MACROD2: variants seen among roughly 807,000 people sequenced by gnomAD.
MACROD2 encodes the protein mono-ADP ribosylhydrolase 2.
A neutral mutation model predicts 70.4 loss-of-function variants in MACROD2; 36 were observed. The ratio of observed to expected loss-of-function variants is 0.51; its 90% CI spans 0.39 to 0.68. The LOEUF (loss-of-function observed/expected upper bound fraction) is 0.68. Among genes scored for constraint, MACROD2 ranks in the 30% least tolerant of loss-of-function variants. The probability of loss-of-function intolerance (pLI) is 0.00; values close to 1 mark genes in which losing one functional copy is unlikely to be tolerated. For missense variants in MACROD2, 496 were observed against 538.4 expected, an observed-to-expected ratio of 0.92 and a Z score of 0.78; for synonymous variants, 172 against 178.8, an observed-to-expected ratio of 0.96 and a Z score of 0.30.
chr20:14,423,853 C>G (rs914313892), intron 3 of MACROD2, among the ~76,000 whole-genome samples: 1 of 147,346 alleles, frequency 6.8e-6, no homozygotes, highest in South Asian at 2.2e-4. Context: ...ACCTTCGCCT[C>G]CTGGGTTCAA....
intron 5 of MACROD2, among the ~76,000 whole-genome samples, chr20:14,836,057 G>A (rs1401094263): frequency 6.6e-6 from 1 of 151,778 alleles, no homozygotes; most frequent in East Asian, 1.9e-4. Flanking sequence ...CCCCCAAAGA[G>A]TAGATTATTT....
At chr20:14,759,522 G>C (rs7261331) in intron 5 of MACROD2, among the ~76,000 whole-genome samples, 1 of 151,928 alleles carries the variant, frequency 6.6e-6, no homozygotes, top group African/African-American at 2.4e-5. Context: ...AGAATGCAGA[G>C]TTCATTTTCA....
chr20:15,309,001 C>T (rs140553665), intron 6 of MACROD2, among the ~76,000 whole-genome samples: 7 of 152,238 alleles, frequency 4.6e-5, no homozygotes, highest in African/African-American at 1.4e-4. Flanking sequence ...TTGGGTCTGT[C>T]GCTTCTCTGT....
At chr20:15,865,499 A>G (rs1601016750) in intron 9 of MACROD2, among the ~76,000 whole-genome samples, 1 of 152,296 alleles carries the variant, frequency 6.6e-6, no homozygotes, top group East Asian at 1.9e-4. Context: ...GATAACTCTA[A>G]GAAAGGAGGC....
At chr20:14,841,087 ACT>A (rs2073082423) in intron 5 of MACROD2, among the ~76,000 whole-genome samples, 1 of 152,142 alleles carries the variant, frequency 6.6e-6, no homozygotes, top group South Asian at 2.1e-4. Flanking sequence ...TATTGCTTAC[ACT>A]CTAAATATTT....
At chr20:15,743,434 T>A (rs1313148609) in intron 8 of MACROD2, among the ~76,000 whole-genome samples, 1 of 152,196 alleles carries the variant, frequency 6.6e-6, no homozygotes. Context: ...AAAAGGGTAC[T>A]GGAATGCAAA....
chr20:14,691,009 C>T (rs2071056878), intron 5 of MACROD2, among the ~76,000 whole-genome samples: 1 of 152,198 alleles, frequency 6.6e-6, no homozygotes. Flanking sequence ...CCTCCGCCTC[C>T]TGGGCTCAAG....
At chr20:14,648,621 C>CAT (rs753035871) in intron 4 of MACROD2, among the ~76,000 whole-genome samples, 1,641 of 148,744 alleles carry the variant, frequency 0.011, 9 homozygotes, top group South Asian at 0.024. Context: ...TTTATTTAAA[C>CAT]ATATATATAT....
At chr20:14,140,100 A>G (rs2054850365) in intron 3 of MACROD2, among the ~76,000 whole-genome samples, 2 of 152,214 alleles carry the variant, frequency 1.3e-5, no homozygotes, top group Admixed American at 1.3e-4. Context: ...GATAAGGGAT[A>G]CTCAACCTGT....
rs1783376113 is a variant in MACROD2 at position 14,031,713 on chromosome 20, A to T, written c.163+29309A>T. ...TATAAAGCATTAAAAAGATATGAAA[A>T]CATACAGTTAAAAAATGATAGCTTC... On this transcript the variant is annotated intron_variant, in intron 2 of 17. Coordinates refer to ENST00000684519, the MANE Select transcript of MACROD2 (RefSeq NM_001351661.2). Among the ~76,000 whole-genome samples, 2 of 152,126 alleles carry T rather than the reference A, an allele frequency of 1.3e-5. 1 individual carries two copies. The highest frequency in any genetic ancestry group is 1.3e-4 in the Admixed American group (2 of 15,276).
intron 8 of MACROD2, among the ~76,000 whole-genome samples, chr20:15,703,800 G>A (rs1435679467): frequency 2.6e-5 from 4 of 152,282 alleles, no homozygotes; most frequent in Admixed American, 2.6e-4. Flanking sequence ...ATTGGTGCTG[G>A]TATTGCTTTG....
chr20:15,334,131 T>C (rs979327298), intron 6 of MACROD2, among the ~76,000 whole-genome samples: 1 of 151,622 alleles, frequency 6.6e-6, no homozygotes, highest in African/African-American at 2.4e-5. Flanking sequence ...ACTGAAGGCT[T>C]CTTTGCCTCC....
At chr20:14,491,857 A>T (rs1026586354) in intron 3 of MACROD2, among the ~76,000 whole-genome samples, 1 of 152,216 alleles carries the variant, frequency 6.6e-6, no homozygotes, top group Non-Finnish European at 1.5e-5. Context: ...AGTCCCAGGG[A>T]ACTGGAAAAC....
rs62203469 is a variant in MACROD2 at position 15,330,075 on chromosome 20, C to T, written c.540+100014C>T. 5.3e-4 allele frequency among the ~76,000 whole-genome samples: 80 copies of T among 152,144 alleles called. 1 individual carries two copies. Among genetic ancestry groups the T allele is most frequent in the Non-Finnish European group, 8.5e-4 (58 of 67,994 alleles). ...CCTCCTTTGTCCAGTCATACTTCTC[C>T]GGGACTGTCCACTCTTCAAACCTAA... On this transcript the variant is annotated intron_variant, in intron 6 of 17. Coordinates refer to ENST00000684519, the MANE Select transcript of MACROD2 (RefSeq NM_001351661.2).
At chr20:14,746,756 TTAC>T (rs2071804996) in intron 5 of MACROD2, among the ~76,000 whole-genome samples, 1 of 152,138 alleles carries the variant, frequency 6.6e-6, no homozygotes, top group East Asian at 1.9e-4. Context: ...CCTGAAAGGG[TTAC>T]TGTAGGTTTC....
intron 4 of MACROD2, among the ~76,000 whole-genome samples, chr20:14,589,202 A>G (rs11905109): frequency 6.6e-6 from 1 of 152,128 alleles, no homozygotes; most frequent in Non-Finnish European, 1.5e-5. Context: ...TCAACTTTGT[A>G]TTAAGTAAAT....
intron 5 of MACROD2, among the ~76,000 whole-genome samples, chr20:14,911,299 A>G (rs2074024282): frequency 6.6e-6 from 1 of 152,146 alleles, no homozygotes; most frequent in Non-Finnish European, 1.5e-5. Context: ...TTATCTACTC[A>G]CAAAAAGCTA....
At chr20:14,300,941 A>G (rs1247721422) in intron 3 of MACROD2, among the ~76,000 whole-genome samples, 3 of 152,242 alleles carry the variant, frequency 2.0e-5, no homozygotes, top group Non-Finnish European at 4.4e-5. Flanking sequence ...GGTGACAGTT[A>G]TAAGGAAAAG....
At chr20:15,049,206 G>A (rs2123047445) in intron 5 of MACROD2, among the ~76,000 whole-genome samples, 1 of 151,972 alleles carries the variant, frequency 6.6e-6, no homozygotes, top group South Asian at 2.1e-4. Flanking sequence ...TGCCTATAGA[G>A]ATCAGGGAGA....
Sources: allele counts gnomAD v4.1 joint callset (sites outside exome capture counted in the v4.1 genomes callset), GRCh38; gene constraint gnomAD v4.1.1; transcripts MANE v1.5; gene names NCBI Gene and HGNC (gene_info 2026-07-23, HGNC 2026-07-21).